Variants in DPP10 observed in about 807,000 individuals in gnomAD.
DPP10 encodes the protein dipeptidyl peptidase like 10, also known as inactive dipeptidyl peptidase 10.
A neutral mutation model predicts 120.9 loss-of-function variants in DPP10; 33 were observed. The ratio of observed to expected loss-of-function variants is 0.27; its 90% CI spans 0.21 to 0.37. DPP10 has a LOEUF of 0.37. DPP10 is among the 10% of genes least tolerant of loss of function. The probability of loss-of-function intolerance (pLI) is 1.00; values close to 1 mark genes in which losing one functional copy is unlikely to be tolerated. For missense variants in DPP10, 816 were observed against 942.8 expected (o/e 0.87, Z 1.76); for synonymous variants, 337 against 326.1 (o/e 1.03, Z -0.36).
At chr2:114,706,545 G>A (rs1403070486) in intron 1 of DPP10, among the ~76,000 whole-genome samples, 1 of 152,088 alleles carries the variant, frequency 6.6e-6, no homozygotes. Flanking sequence ...TCTTCACATG[G>A]CCTTTCCCTC....
At chr2:115,261,300 A>G (rs2059241094) in intron 1 of DPP10, among the ~76,000 whole-genome samples, 1 of 152,208 alleles carries the variant, frequency 6.6e-6, no homozygotes, top group African/African-American at 2.4e-5. Flanking sequence ...TAGTAAGCCT[A>G]AAGGGCACTG....
chr2:115,402,428 A>T (rs1181796374), intron 3 of DPP10, among the ~76,000 whole-genome samples: 2 of 152,196 alleles, frequency 1.3e-5, no homozygotes, highest in African/African-American at 4.8e-5. Flanking sequence ...GAGGTTATTC[A>T]GTAAACAAAT....
chr2:115,173,320 G>C (rs2053484817), intron 1 of DPP10, among the ~76,000 whole-genome samples: 2 of 152,062 alleles, frequency 1.3e-5, no homozygotes, highest in Non-Finnish European at 2.9e-5. Context: ...ATTGCTTATT[G>C]GTCACACAAG....
intron 1 of DPP10, among the ~76,000 whole-genome samples, chr2:114,460,603 A>G (rs566641331): frequency 2.6e-4 from 40 of 152,296 alleles, no homozygotes; most frequent in Non-Finnish European, 4.7e-4. Flanking sequence ...CATTTTATGG[A>G]AAATATAGAA....
intron 5 of DPP10, among the ~76,000 whole-genome samples, chr2:115,646,173 G>A (rs920601623): frequency 6.6e-6 from 1 of 152,042 alleles, no homozygotes; most frequent in Admixed American, 6.6e-5. Context: ...ATTCAACAGA[G>A]AGTGACTAGT....
intron 21 of DPP10, among the ~76,000 whole-genome samples, chr2:115,820,371 A>C (rs1687684044): frequency 6.6e-6 from 1 of 150,732 alleles, no homozygotes; most frequent in Non-Finnish European, 1.5e-5. Flanking sequence ...CCATTTTATG[A>C]GCCTATCAGT....
At chr2:115,489,178 C>T (rs888795739) in intron 3 of DPP10, among the ~76,000 whole-genome samples, 1 of 152,052 alleles carries the variant, frequency 6.6e-6, no homozygotes, top group Non-Finnish European at 1.5e-5. Flanking sequence ...GTTGCAACTA[C>T]TCAACTATGC....
At chr2:114,765,526 G>A (rs1181318185) in intron 1 of DPP10, among the ~76,000 whole-genome samples, 2 of 152,152 alleles carry the variant, frequency 1.3e-5, no homozygotes, top group East Asian at 3.9e-4. Context: ...AGGCATTGTG[G>A]CCGAGGACAG....
At chr2:114,872,375 G>A (rs917332899) in intron 1 of DPP10, among the ~76,000 whole-genome samples, 4 of 152,022 alleles carry the variant, frequency 2.6e-5, no homozygotes, top group Non-Finnish European at 2.9e-5. Flanking sequence ...CCCCATGATC[G>A]AAATCACCTC....
chr2:115,502,739 C>CT (rs1230875060), intron 4 of DPP10, among the ~76,000 whole-genome samples: 2 of 152,090 alleles, frequency 1.3e-5, no homozygotes, highest in African/African-American at 4.8e-5. Context: ...CTTGCCCAGG[C>CT]TGGGATGCAG....
At chr2:115,544,140 G>C (rs572108647) in intron 5 of DPP10, among the ~76,000 whole-genome samples, 28 of 151,518 alleles carry the variant, frequency 1.8e-4, no homozygotes, top group Non-Finnish European at 3.4e-4. Context: ...ATTAAAATTT[G>C]CTTCTAATGT....
intron 3 of DPP10, among the ~76,000 whole-genome samples, chr2:115,458,414 C>T (rs1036415783): frequency 2.6e-5 from 4 of 152,026 alleles, no homozygotes; most frequent in Admixed American, 2.6e-4. Context: ...TACTTTTGAT[C>T]GAAATAACAT....
chr2:114,870,068 T>C (rs1472954636), intron 1 of DPP10, among the ~76,000 whole-genome samples: 1 of 152,192 alleles, frequency 6.6e-6, no homozygotes, highest in Non-Finnish European at 1.5e-5. Flanking sequence ...CTCTATTTGA[T>C]AGTTTTCTGG....
At chr2:114,520,114 C>A (rs1262890687) in intron 1 of DPP10, among the ~76,000 whole-genome samples, 1 of 152,238 alleles carries the variant, frequency 6.6e-6, no homozygotes. Flanking sequence ...AGGAACAAAG[C>A]AGATAATCAT....
chr2:114,996,438 T>C (rs1268961906), intron 1 of DPP10, among the ~76,000 whole-genome samples: 7 of 152,220 alleles, frequency 4.6e-5, no homozygotes, highest in Admixed American at 3.3e-4. Flanking sequence ...ATTTACTTTT[T>C]AATGTTTTTC....
chr2:114,710,094 T>C (rs1365852212), intron 1 of DPP10, among the ~76,000 whole-genome samples: 2 of 152,228 alleles, frequency 1.3e-5, no homozygotes, highest in Non-Finnish European at 2.9e-5. Context: ...AGGACTGTAA[T>C]GTGGGGCATG....
Position 115,006,865 on chromosome 2 carries a change from G to A in DPP10, c.61-302374G>A, listed in dbSNP as rs1701886827. Among the ~76,000 whole-genome samples, 3 of 151,888 alleles carry A rather than the reference G, an allele frequency of 2.0e-5. No homozygotes were observed. In the South Asian group the frequency reaches 6.2e-4, roughly 32 times the overall value. On this transcript the variant is annotated intron_variant, in intron 1 of 25. Coordinates refer to ENST00000410059, the MANE Select transcript of DPP10 (RefSeq NM_020868.6). ...ATTGAACTCAGCTCTGCACCAAGCG[G>A]ACCTAATAGACATCTACAGAACTCT...
At chr2:115,178,334 C>A (rs114612674) in intron 1 of DPP10, among the ~76,000 whole-genome samples, 1,697 of 152,208 alleles carry the variant, frequency 0.011, 20 homozygotes, top group African/African-American at 0.028. Context: ...GGTTCAAAGC[C>A]CGGTTCTGCC....
At chr2:114,704,851 T>A (rs1319274939) in intron 1 of DPP10, among the ~76,000 whole-genome samples, 1 of 152,134 alleles carries the variant, frequency 6.6e-6, no homozygotes, top group Non-Finnish European at 1.5e-5. Context: ...TAAGGTTAAA[T>A]GAGGCTATAG....
Sources: allele counts gnomAD v4.1 joint callset (sites outside exome capture counted in the v4.1 genomes callset), GRCh38; gene constraint gnomAD v4.1.1; transcripts MANE v1.5; gene names NCBI Gene and HGNC (gene_info 2026-07-23, HGNC 2026-07-21).